The following CLASP1 variants were observed in gnomAD, a reference collection of about 807,000 sequenced individuals.
The protein encoded by CLASP1 is cytoplasmic linker associated protein 1.
A neutral mutation model predicts 192.3 loss-of-function variants in CLASP1; 38 were observed. The ratio of observed to expected loss-of-function variants is 0.20; its 90% CI spans 0.15 to 0.26. CLASP1 has a LOEUF of 0.26. Ranked by LOEUF, CLASP1 falls within the 10% of genes least tolerant of loss-of-function variation. The probability of loss-of-function intolerance (pLI) is 1.00; values close to 1 mark genes in which losing one functional copy is unlikely to be tolerated. For synonymous variants in CLASP1, 691 were observed against 712.8 expected, an observed-to-expected ratio of 0.97 and a Z score of 0.49; for missense variants, 1,433 against 1,932.5, an observed-to-expected ratio of 0.74 and a Z score of 4.85.
chr2:121,471,552 C>G lies in CLASP1; in HGVS notation c.713-1592G>C, dbSNP rs527406623. Among the ~76,000 whole-genome samples the G allele has an allele frequency of 7.2e-5, 11 of 152,056 alleles. No homozygotes were observed. The East Asian group carries it at 2.1e-3, about 29-fold the overall frequency. ...CAAATAGAATCCTGTTTTCCTTGAT[C>G]TAGTTGCTTCTTAAGCTAAATTATC... On this transcript the variant is annotated intron_variant, in intron 8 of 39. Coordinates refer to ENST00000263710, the Ensembl canonical transcript of CLASP1.
At chr2:121,392,816 C>T (rs1009200720) in intron 30 of CLASP1, among the ~76,000 whole-genome samples, 2 of 152,168 alleles carry the variant, frequency 1.3e-5, no homozygotes, top group Non-Finnish European at 1.5e-5. Flanking sequence ...GGCTCCCACA[C>T]TGAGAAAATG....
At chr2:121,518,254 A>G (rs979790348) in intron 6 of CLASP1, among the ~76,000 whole-genome samples, 38 of 150,714 alleles carry the variant, frequency 2.5e-4, no homozygotes, top group Non-Finnish European at 4.1e-4. Context: ...AAAAAAAAAA[A>G]AAGGAGGCAA....
At chr2:121,447,100 G>A (rs946940994) in intron 19 of CLASP1, among the ~76,000 whole-genome samples, 4 of 152,118 alleles carry the variant, frequency 2.6e-5, no homozygotes, top group Non-Finnish European at 4.4e-5. Flanking sequence ...CACACCCTCC[G>A]AGCATGAGTG....
At chr2:121,584,623 C>T (rs2061529603) in intron 2 of CLASP1, among the ~76,000 whole-genome samples, 1 of 151,954 alleles carries the variant, frequency 6.6e-6, no homozygotes, top group Non-Finnish European at 1.5e-5. Flanking sequence ...GTATGTACCC[C>T]ACAATTCTTT....
chr2:121,434,781 G>C (rs1189583595), intron 19 of CLASP1, among the ~76,000 whole-genome samples: 1 of 151,016 alleles, frequency 6.6e-6, no homozygotes, highest in Non-Finnish European at 1.5e-5. Flanking sequence ...CTTGAGGCTA[G>C]GAGTTAGAGA....
rs114808383 is a variant in CLASP1 at position 121,411,049 on chromosome 2, C to A, written c.2321-80G>T. ...TCCTTGCAAGGACTACTGCCTCTTC[C>A]CACCAAGTAGACAGAAGTACTGAAA... On this transcript the variant is annotated intron_variant, in intron 23 of 39. Transcript: ENST00000263710. 4,594 of 849,510 alleles carry A rather than the reference C, an allele frequency of 5.4e-3. 25 individuals are homozygous for A. Among genetic ancestry groups the A allele is most frequent in the Non-Finnish European group, 6.7e-3 (3,677 of 549,314 alleles). 52.6% of individuals were successfully genotyped at this position (849,510 alleles called of 1,614,324 possible).
chr2:121,394,447 G>C (rs2074936802), intron 30 of CLASP1, among the ~76,000 whole-genome samples: 1 of 152,188 alleles, frequency 6.6e-6, no homozygotes. Context: ...TCTGTCCTTT[G>C]TGGTTTCTGA....
At chr2:121,622,432 G>T (rs895794952) in intron 1 of CLASP1, among the ~76,000 whole-genome samples, 1 of 151,688 alleles carries the variant, frequency 6.6e-6, no homozygotes. Context: ...AGCCAGGCGT[G>T]GTGGTATACA....
At chr2:121,490,103 T>C (rs575191603) in intron 8 of CLASP1, among the ~76,000 whole-genome samples, 6 of 152,366 alleles carry the variant, frequency 3.9e-5, no homozygotes, top group Non-Finnish European at 7.3e-5. Flanking sequence ...TTTATTTCCC[T>C]GTAGGTTTCA....
chr2:121,493,318 T>C (rs1035489297), intron 8 of CLASP1, among the ~76,000 whole-genome samples: 10 of 152,252 alleles, frequency 6.6e-5, no homozygotes, highest in East Asian at 1.9e-4. Context: ...TGGAACAGAA[T>C]AGAGATCCCA....
intron 1 of CLASP1, among the ~76,000 whole-genome samples, chr2:121,635,980 T>C (rs866103236): frequency 7.2e-5 from 11 of 152,160 alleles, no homozygotes; most frequent in Non-Finnish European, 1.5e-4. Flanking sequence ...GGCAGGCACA[T>C]TGCTTGAGCC....
At chr2:121,418,902 C>T (rs746128178) in intron 22 of CLASP1, among the ~76,000 whole-genome samples, 173 bp from the exon 23 acceptor site, 3 of 152,030 alleles carry the variant, frequency 2.0e-5, no homozygotes, top group East Asian at 1.9e-4. Context: ...GACGTGCCAA[C>T]GGGGGAGGGT....
intron 22 of CLASP1, among the ~76,000 whole-genome samples, chr2:121,421,039 G>A (rs2079410670): frequency 6.6e-6 from 1 of 152,078 alleles, no homozygotes; most frequent in African/African-American, 2.4e-5. Flanking sequence ...GCAGTATAGA[G>A]AAAACTAATT....
intron 34 of CLASP1, among the ~76,000 whole-genome samples, chr2:121,370,332 CTT>C (rs375808825): frequency 1.3e-5 from 2 of 151,478 alleles, no homozygotes; most frequent in East Asian, 3.9e-4. Context: ...GATTTTCTTT[CTT>C]TTTTTTTGAG....
At chr2:121,492,504 G>A (rs566424901) in intron 8 of CLASP1, among the ~76,000 whole-genome samples, 1 of 150,638 alleles carries the variant, frequency 6.6e-6, no homozygotes, top group African/African-American at 2.4e-5. Context: ...TAAACAATTC[G>A]ATTTTTAAGT....
At chr2:121,381,155 T>C (rs964632979) in intron 33 of CLASP1, among the ~76,000 whole-genome samples, 6 of 152,236 alleles carry the variant, frequency 3.9e-5, no homozygotes, top group Admixed American at 2.6e-4. Context: ...AAATGACTTT[T>C]AGAGGTATAA....
intron 39 of CLASP1, among the ~76,000 whole-genome samples, chr2:121,342,125 ATT>A (rs113122537): frequency 2.7e-5 from 4 of 146,596 alleles, no homozygotes; most frequent in Admixed American, 6.8e-5. Context: ...TAAAAAAAGA[ATT>A]TTTTTTTTTT....
intron 1 of CLASP1, among the ~76,000 whole-genome samples, chr2:121,631,081 C>G (rs573543577): frequency 6.9e-5 from 10 of 144,808 alleles, no homozygotes; most frequent in Admixed American, 4.9e-4. Flanking sequence ...ATGGCATGAA[C>G]CCGGGAGGTG....
At position 121,530,949 on chromosome 2, in the gene CLASP1, G is replaced by T. The variant is rs769219094; in HGVS notation, c.196-624C>A. On this transcript the variant is annotated intron_variant, in intron 2 of 39. Coordinates refer to ENST00000263710, the Ensembl canonical transcript of CLASP1. ...AGTGAGGGCAGTACTGCTAACGCCT[G>T]AACAACACACCCGCATCAACTAGAG... 76 of 700,268 alleles carry T rather than the reference G, an allele frequency of 1.1e-4. No homozygotes were observed. Among genetic ancestry groups the T allele is most frequent in the Non-Finnish European group, 1.7e-4 (67 of 384,824 alleles). The allele number at this position is 700,268 out of a possible 1,614,324, so 43.4% of individuals were successfully genotyped here.
Sources: gnomAD v4.1 joint callset for allele counts (sites outside exome capture counted in the v4.1 genomes callset) on GRCh38, gnomAD v4.1.1 for gene constraint, MANE v1.5 for transcripts, NCBI Gene and HGNC (gene_info 2026-07-23, HGNC 2026-07-21) for gene names.